LAMP1: variants seen among roughly 807,000 people sequenced by gnomAD.
LAMP1 encodes lysosome-associated membrane glycoprotein 1.
Under a neutral mutation model 37.5 loss-of-function variants are expected in LAMP1, and 7 were observed. That is an observed-to-expected ratio of 0.19 (90% CI 0.11 to 0.35). LAMP1 has a LOEUF of 0.35. Among genes scored for constraint, LAMP1 ranks in the 10% least tolerant of loss-of-function variants. The probability of loss-of-function intolerance (pLI) is 1.00; values close to 1 mark genes in which losing one functional copy is unlikely to be tolerated. For missense variants in LAMP1, 537 were observed against 552.8 expected (o/e 0.97, Z 0.29); for synonymous variants, 236 against 229.1 (o/e 1.03, Z -0.27).
chr13:113,306,984 C>T (rs1247406393), intron 2 of LAMP1, among the ~76,000 whole-genome samples: 8 of 150,650 alleles, frequency 5.3e-5, no homozygotes, highest in East Asian at 2.0e-4. Flanking sequence ...GGGCTACAGG[C>T]GCTCGCCACC....
chr13:113,323,245 A>T lies in LAMP1; in HGVS notation c.*824A>T, dbSNP rs9603825. On this transcript the variant is annotated 3_prime_UTR_variant, in exon 9 of 9. Transcript: ENST00000332556. Reference sequence around the variant, plus strand: ...AAATATAAAAATGGGTGTTATTTTTATTTTTATTTGTAAAGTGATTTTTGG... The same window carrying T: ...AAATATAAAAATGGGTGTTATTTTTTTTTTTATTTGTAAAGTGATTTTTGG... 1.3e-5 allele frequency: 2 copies of T among 151,436 alleles called. No individual in the cohort carries two copies. The highest frequency in any genetic ancestry group is 2.4e-5 in the African/African-American group (1 of 41,242). 9.4% of individuals were successfully genotyped at this position (151,436 alleles called of 1,614,324 possible).
At chr13:113,315,012 C>T (rs1255896438) in intron 4 of LAMP1, among the ~76,000 whole-genome samples, 2 of 96,222 alleles carry the variant, frequency 2.1e-5, no homozygotes, top group Admixed American at 1.2e-4. Flanking sequence ...TGTGGAGATG[C>T]CCGTGTGCCT....
intron 4 of LAMP1, among the ~76,000 whole-genome samples, chr13:113,311,981 C>A (rs12184762): frequency 0.054 from 8,252 of 152,188 alleles, 620 homozygotes; most frequent in African/African-American, 0.16. Flanking sequence ...TGGAGACATC[C>A]CTTAGGGTGG....
intron 1 of LAMP1, among the ~76,000 whole-genome samples, chr13:113,303,240 A>G (rs1366853119): frequency 6.6e-6 from 1 of 152,238 alleles, no homozygotes; most frequent in Non-Finnish European, 1.5e-5. Flanking sequence ...AGAACCTCCA[A>G]GAACTGAGGG....
At chr13:113,314,038 G>A (rs564352280) in intron 4 of LAMP1, among the ~76,000 whole-genome samples, 16 of 83,968 alleles carry the variant, frequency 1.9e-4, no homozygotes, top group African/African-American at 1.3e-3. Context: ...CCTAGAGGGA[G>A]TCAGTGTGGA....
At position 113,319,596 on chromosome 13, in the gene LAMP1, C is replaced by G. The variant is rs763038744; in HGVS notation, c.690C>G (p.Thr230=). The part of the protein sequence containing the change: ...DKYNVSGTNG[T]CLLASMGLQL... Reference sequence around the variant, plus strand: ...ACAACGTGAGCGGCACCAACGGGACCTGCCTGCTGGCCAGCATGGGGCTGC... The same window carrying G: ...ACAACGTGAGCGGCACCAACGGGACGTGCCTGCTGGCCAGCATGGGGCTGC... Residue 230 remains threonine (T), a synonymous_variant, in exon 5 of 9, where the codon ACC becomes ACG. Transcript: ENST00000332556. 1.2e-6 allele frequency: 2 copies of G among 1,614,010 alleles called. No individual in the cohort carries two copies. Among genetic ancestry groups the G allele is most frequent in the Non-Finnish European group, 1.7e-6 (2 of 1,180,018 alleles).
At chr13:113,299,995 C>T (rs1039580680) in intron 1 of LAMP1, among the ~76,000 whole-genome samples, 1 of 152,160 alleles carries the variant, frequency 6.6e-6, no homozygotes, top group Non-Finnish European at 1.5e-5. Context: ...CAAATTTCCA[C>T]TATATTAATA....
chr13:113,322,171 G>T, intron 8 of LAMP1, 111 bp from the exon 9 acceptor site: 1 of 1,261,328 alleles, frequency 7.9e-7, no homozygotes, highest in Non-Finnish European at 1.1e-6. Flanking sequence ...GGAACCTTCC[G>T]CCAGGGTTCC....
At chr13:113,301,171 C>T (rs2042569049) in intron 1 of LAMP1, among the ~76,000 whole-genome samples, 1 of 151,830 alleles carries the variant, frequency 6.6e-6, no homozygotes, top group East Asian at 1.9e-4. Context: ...AACATATGCA[C>T]GGATCCACAC....
intron 1 of LAMP1, among the ~76,000 whole-genome samples, chr13:113,299,404 A>G (rs1566395777): frequency 6.6e-6 from 1 of 150,916 alleles, no homozygotes; most frequent in Non-Finnish European, 1.5e-5. Flanking sequence ...AGCTGGGATT[A>G]CAGGCACCCG....
In LAMP1 at chr13:113,323,629, C is replaced by T. The variant is rs1259986655; in HGVS notation, c.*1208C>T. On this transcript the variant is annotated 3_prime_UTR_variant, in exon 9 of 9. Transcript: ENST00000332556. Reference sequence around the variant, plus strand: ...ACAGTTGTCTGGTTCATTCATGTAACATGATAATTTTTAAATCATTAAAAA... The same window carrying T: ...ACAGTTGTCTGGTTCATTCATGTAATATGATAATTTTTAAATCATTAAAAA... 6.6e-6 allele frequency: 1 copy of T among 151,804 alleles called. No individual in the cohort carries two copies. Among genetic ancestry groups the T allele is most frequent in the Non-Finnish European group, 1.5e-5 (1 of 67,974 alleles). 9.4% of individuals were successfully genotyped at this position (151,804 alleles called of 1,614,324 possible). A position where few individuals can be genotyped will look rare whatever the true frequency, so the allele number is the denominator to read the frequency against.
chr13:113,319,859 G>C (rs1490381144), intron 5 of LAMP1, among the ~76,000 whole-genome samples: 1 of 152,216 alleles, frequency 6.6e-6, no homozygotes, highest in Non-Finnish European at 1.5e-5. Flanking sequence ...CGTCCTGCTG[G>C]TTCCATCATC....
chr13:113,310,519 C>T (rs548986938), intron 3 of LAMP1, among the ~76,000 whole-genome samples, 190 bp from the exon 4 acceptor site: 33 of 151,886 alleles, frequency 2.2e-4, no homozygotes, highest in African/African-American at 7.7e-4. Flanking sequence ...GGGCGAGACT[C>T]TGTCTCAAAA....
intron 4 of LAMP1, among the ~76,000 whole-genome samples, chr13:113,317,615 C>T (rs756164051): frequency 6.6e-6 from 1 of 151,414 alleles, no homozygotes; most frequent in African/African-American, 2.4e-5. Context: ...AGAATTTGGA[C>T]AAGACTGGCC....
intron 1 of LAMP1, among the ~76,000 whole-genome samples, chr13:113,303,727 G>A (rs2042585209): frequency 6.6e-6 from 1 of 152,140 alleles, no homozygotes; most frequent in African/African-American, 2.4e-5. Context: ...GGCATCTTGT[G>A]CTGCCAAAGC....
Position 113,321,835 on chromosome 13 carries a change from T to G in LAMP1, c.1114+108T>G. 1 of 1,105,950 alleles carries G rather than the reference T, an allele frequency of 9.0e-7. No homozygotes were observed. The highest frequency in any genetic ancestry group is 1.5e-5 in the South Asian group (1 of 68,890). 68.5% of individuals were successfully genotyped at this position (1,105,950 alleles called of 1,614,324 possible). The stretch of plus-strand genomic sequence containing the variant: ...TGGGCTGGGGCGACGCCCCTGTTCC[T>G]CTGCAAGGAGCTGTTTCTTCTTGCC... On this transcript the variant is annotated intron_variant, in intron 8 of 8. Coordinates refer to ENST00000332556, the MANE Select transcript of LAMP1 (RefSeq NM_005561.4). This position sits in a 1 kb window ranked among gnomAD's most constrained non-coding sequence, Gnocchi z 5.6.
At chr13:113,310,625 C>T (rs2042625482) in intron 3 of LAMP1, 84 bp from the exon 4 acceptor site, 1 of 1,066,710 alleles carries the variant, frequency 9.4e-7, no homozygotes, top group African/African-American at 1.6e-5. Flanking sequence ...GAATCTATAA[C>T]TGACATCAGG....
Position 113,321,659 on chromosome 13 carries a change from C to T in LAMP1, c.1046C>T (p.Ala349Val), listed in dbSNP as rs757618803. Residue 349 changes from alanine (A) to valine (V), a missense_variant, in exon 8 of 9, where the codon GCG becomes GTG. Ala to Val is a moderately conservative substitution (Grantham distance 64, BLOSUM62 0). Coordinates refer to ENST00000332556, the MANE Select transcript of LAMP1 (RefSeq NM_005561.4). This position sits in a 1 kb window ranked among gnomAD's most constrained non-coding sequence, Gnocchi z 5.6. Reference sequence around the variant, plus strand: ...GAGGAGCACGTCCGTGTCACGAAGGCGTTTTCAGTCAATATATTCAAAGTG... The same window carrying T: ...GAGGAGCACGTCCGTGTCACGAAGGTGTTTTCAGTCAATATATTCAAAGTG... Reference protein sequence around the residue: ...NAEEHVRVTKAFSVNIFKVWV... With the variant: ...NAEEHVRVTKVFSVNIFKVWV... 9 of 1,614,216 alleles carry T rather than the reference C, an allele frequency of 5.6e-6. No individual in the cohort carries two copies. Among genetic ancestry groups the T allele is most frequent in the East Asian group, 2.2e-5 (1 of 44,878 alleles).
chr13:113,310,744 G>A lies in LAMP1; in HGVS notation c.439G>A (p.Ala147Thr). Residue 147 changes from alanine to threonine, a missense_variant, in exon 4 of 9, where the codon GCA becomes ACA. Transcript: ENST00000332556. ...KTVESITDIR[A>T]DIDKKYRCVS... ...TGTGGAATCTATAACTGACATCAGG[G>A]CAGATATAGATAAAAAATACAGATG... 2 of 1,612,496 alleles carry A rather than the reference G, an allele frequency of 1.2e-6. No individual in the cohort carries two copies. Among genetic ancestry groups the A allele is most frequent in the Non-Finnish European group, 1.7e-6 (2 of 1,179,286 alleles).
Sources: gnomAD v4.1 joint callset for allele counts (sites outside exome capture counted in the v4.1 genomes callset) on GRCh38, gnomAD v4.1.1 for gene constraint, Gnocchi (gnomAD v3.1) non-coding constraint, MANE v1.5 for transcripts, NCBI Gene and HGNC (gene_info 2026-07-23, HGNC 2026-07-21) for gene names.